ANXA10: variants seen among roughly 807,000 people sequenced by gnomAD.
The protein encoded by ANXA10 is annexin 14.
In ANXA10, 49 loss-of-function variants were observed where a neutral mutation model predicts 53.5. That is an observed-to-expected ratio of 0.92 (90% CI 0.73 to 1.16). ANXA10 has a LOEUF of 1.16. Among genes scored for constraint, ANXA10 ranks in the 50% most tolerant of loss-of-function variants. The pLI, the probability that ANXA10 is intolerant of heterozygous loss-of-function variation, is 0.00. For missense variants in ANXA10, 393 were observed against 394.4 expected (o/e 1.00, Z 0.03); for synonymous variants, 131 against 128.9 (o/e 1.02, Z -0.11).
intron 3 of ANXA10, among the ~76,000 whole-genome samples, chr4:168,144,734 T>G (rs1172927592): frequency 6.6e-6 from 1 of 152,116 alleles, no homozygotes; most frequent in Non-Finnish European, 1.5e-5. Flanking sequence ...CCAGAGAGAA[T>G]CCAAGTGACT....
intron 1 of ANXA10, among the ~76,000 whole-genome samples, chr4:168,116,825 A>C (rs1174285498): frequency 6.6e-6 from 1 of 152,148 alleles, no homozygotes; most frequent in Non-Finnish European, 1.5e-5. Context: ...TGTTTGAGCC[A>C]AATCCACTCT....
chr4:168,100,301 T>G (rs1730619191), intron 1 of ANXA10, among the ~76,000 whole-genome samples: 1 of 152,124 alleles, frequency 6.6e-6, no homozygotes, highest in Non-Finnish European at 1.5e-5. Flanking sequence ...TGATTTTGAT[T>G]TACAAGAACA....
chr4:168,116,972 TATC>T (rs1385346721), intron 1 of ANXA10, among the ~76,000 whole-genome samples: 1 of 148,820 alleles, frequency 6.7e-6, no homozygotes, highest in Non-Finnish European at 1.5e-5. Flanking sequence ...GTTTCACTAA[TATC>T]ATCAGCAAAT....
intron 8 of ANXA10, 130 bp downstream of exon 8, chr4:168,178,113 T>C: frequency 1.3e-6 from 1 of 774,846 alleles, no homozygotes. Context: ...AGGTACTTAT[T>C]TTGAATTTTG....
chr4:168,149,512 T>C (rs930262504), intron 3 of ANXA10, among the ~76,000 whole-genome samples: 2 of 152,186 alleles, frequency 1.3e-5, no homozygotes, highest in African/African-American at 2.4e-5. Flanking sequence ...CTCAAATTCA[T>C]GGGGTTTCAA....
rs752194967 is a variant in ANXA10, at chr4:168,177,754, A to G, written c.495A>G (p.Glu165=). The G allele has an allele frequency of 1.9e-6, 3 of 1,614,178 alleles. No individual in the cohort carries two copies. The South Asian group carries it at 3.3e-5, about 18-fold the overall frequency. ...TTACTTTACAGGGGACCAGAGAGGA[A>G]GGATATACAGACCCTGCGATGGCTG... The part of the protein sequence containing the change: ...LMNLVQGTRE[E]GYTDPAMAAQ... The change falls in exon 7 of 12, where the codon GAA becomes GAG. Residue 165 remains glutamate (E), a synonymous_variant. Transcript: ENST00000359299.
At chr4:168,176,028 AG>A in intron 6 of ANXA10, among the ~76,000 whole-genome samples, 1 of 152,166 alleles carries the variant, frequency 6.6e-6, no homozygotes, top group South Asian at 2.1e-4. Flanking sequence ...TATTGGGTTA[AG>A]TATTTGACTC....
At position 168,128,228 on chromosome 4, in the gene ANXA10, A is replaced by G. The variant is rs1395267964; in HGVS notation, c.100+63A>G. On this transcript the variant is annotated intron_variant, in intron 2 of 11. Transcript: ENST00000359299. ...ATTTTTTGCTTTACCTTGTTTTAAG[A>G]CTATACTGTGGGTATAAAATAGTTG... is the stretch of plus-strand genomic sequence containing the variant. 9.1e-6 allele frequency: 12 copies of G among 1,324,354 alleles called. No individual in the cohort carries two copies. The Admixed American group carries it at 2.0e-4, about 22-fold the overall frequency. 82.0% of individuals were successfully genotyped at this position (1,324,354 alleles called of 1,614,324 possible). A position where few individuals can be genotyped will look rare whatever the true frequency, so the allele number is the denominator to read the frequency against.
intron 3 of ANXA10, among the ~76,000 whole-genome samples, chr4:168,158,827 T>C (rs1414318981): frequency 6.6e-6 from 1 of 152,198 alleles, no homozygotes; most frequent in Admixed American, 6.5e-5. Flanking sequence ...AAATGTCATG[T>C]TGAAATGTGA....
At chr4:168,098,108 A>G (rs1188837639) in intron 1 of ANXA10, among the ~76,000 whole-genome samples, 3 of 150,886 alleles carry the variant, frequency 2.0e-5, no homozygotes, top group Non-Finnish European at 4.4e-5. Context: ...AATCTAAGGC[A>G]CTCTTGAAAT....
At chr4:168,135,469 T>C (rs1731221605) in intron 2 of ANXA10, among the ~76,000 whole-genome samples, 2 of 152,172 alleles carry the variant, frequency 1.3e-5, no homozygotes, top group African/African-American at 4.8e-5. Flanking sequence ...AATGCTCTAA[T>C]AAAAGGGAGG....
intron 1 of ANXA10, among the ~76,000 whole-genome samples, chr4:168,126,134 C>T (rs556540408): frequency 1.3e-5 from 2 of 151,782 alleles, no homozygotes; most frequent in South Asian, 4.2e-4. Context: ...AAAAATCATG[C>T]ATATAAAAAG....
At chr4:168,160,750 C>T (rs2149476930) in intron 3 of ANXA10, among the ~76,000 whole-genome samples, 1 of 152,184 alleles carries the variant, frequency 6.6e-6, no homozygotes, top group East Asian at 1.9e-4. Flanking sequence ...AGTAATCACC[C>T]TTCTGACTGG....
At chr4:168,168,948 G>GT (rs1731931464) in intron 6 of ANXA10, among the ~76,000 whole-genome samples, 1 of 152,082 alleles carries the variant, frequency 6.6e-6, no homozygotes, top group Non-Finnish European at 1.5e-5. Flanking sequence ...CTGTGGTTTG[G>GT]CTACATAGTT....
At chr4:168,109,377 A>G (rs1327234365) in intron 1 of ANXA10, among the ~76,000 whole-genome samples, 2 of 152,184 alleles carry the variant, frequency 1.3e-5, no homozygotes, top group Non-Finnish European at 2.9e-5. Flanking sequence ...TAAATTATCA[A>G]AATTCTCTTA....
At position 168,177,742 on chromosome 4, in the gene ANXA10, G is replaced by A; in HGVS notation, c.483G>A (p.Gly161=). 1 of 1,614,122 alleles carries A rather than the reference G, an allele frequency of 6.2e-7. No homozygotes were observed. Among genetic ancestry groups the A allele is most frequent in the Non-Finnish European group, 8.5e-7 (1 of 1,180,004 alleles). ...FRDTLMNLVQ[G]TREEGYTDPA... is the part of the protein sequence containing the mutation. ...GAAAACCTGTGCTTACTTTACAGGG[G>A]ACCAGAGAGGAAGGATATACAGACC... is the stretch of plus-strand genomic sequence containing the variant. The change falls in exon 7 of 12, where the codon GGG becomes GGA. Residue 161 remains glycine, a splice_region_variant and synonymous_variant. Transcript: ENST00000359299.
intron 6 of ANXA10, among the ~76,000 whole-genome samples, chr4:168,170,686 G>A (rs1731966763): frequency 6.6e-6 from 1 of 152,114 alleles, no homozygotes; most frequent in African/African-American, 2.4e-5. Flanking sequence ...ATACCAAAAA[G>A]TGTGGGTGAA....
chr4:168,147,914 A>G, intron 3 of ANXA10, among the ~76,000 whole-genome samples: 1 of 152,170 alleles, frequency 6.6e-6, no homozygotes, highest in East Asian at 1.9e-4. Context: ...AGTTCAGGGG[A>G]CATGAGGGAG....
chr4:168,142,388 C>T (rs2149472632), intron 3 of ANXA10, among the ~76,000 whole-genome samples: 1 of 152,210 alleles, frequency 6.6e-6, no homozygotes, highest in East Asian at 1.9e-4. Context: ...TCAAATTAAC[C>T]ATGGCTGCCC....
Sources: allele counts gnomAD v4.1 joint callset (sites outside exome capture counted in the v4.1 genomes callset), GRCh38; gene constraint gnomAD v4.1.1; transcripts MANE v1.5; gene names NCBI Gene and HGNC (gene_info 2026-07-23, HGNC 2026-07-21).